TRAPPC3L: variants seen among roughly 807,000 people sequenced by gnomAD.
The protein encoded by TRAPPC3L is trafficking protein particle complex subunit 3-like protein.
In TRAPPC3L, 23 loss-of-function variants were observed where a neutral mutation model predicts 23.7. That is an observed-to-expected ratio of 0.97 (90% CI 0.70 to 1.37). The LOEUF (loss-of-function observed/expected upper bound fraction) is 1.37, where lower values mean the gene tolerates loss of function less well. TRAPPC3L is among the 40% of genes most tolerant of loss of function. The pLI is 0.00. For synonymous variants in TRAPPC3L, 81 were observed against 77.9 expected, an observed-to-expected ratio of 1.04 and a Z score of -0.21; for missense variants, 212 against 216.8, an observed-to-expected ratio of 0.98 and a Z score of 0.14.
At chr6:116,541,613 T>A (rs1773468230) in intron 2 of TRAPPC3L, among the ~76,000 whole-genome samples, 1 of 152,210 alleles carries the variant, frequency 6.6e-6, no homozygotes, top group South Asian at 2.1e-4. Context: ...CAGTTTAGCT[T>A]CCTTGACTTT....
intron 3 of TRAPPC3L, among the ~76,000 whole-genome samples, chr6:116,500,945 GC>G (rs1168056576): frequency 6.6e-6 from 1 of 152,204 alleles, no homozygotes; most frequent in Non-Finnish European, 1.5e-5. Flanking sequence ...GGTAATTTCT[GC>G]ATTTCCAACT....
chr6:116,543,625 T>C, intron 1 of TRAPPC3L: 2 of 648,538 alleles, frequency 3.1e-6, no homozygotes, highest in African/African-American at 3.7e-5. Context: ...AAAATGAATT[T>C]CGTAACATGA....
intron 3 of TRAPPC3L, among the ~76,000 whole-genome samples, chr6:116,510,087 A>G (rs1366875528): frequency 3.9e-5 from 6 of 152,192 alleles, no homozygotes. Context: ...TGCTCAACAT[A>G]CTAATCATTA....
intron 3 of TRAPPC3L, chr6:116,511,809 C>T: frequency 1.2e-6 from 2 of 1,614,066 alleles, no homozygotes; most frequent in Non-Finnish European, 1.7e-6. Context: ...TCTGTTGTGG[C>T]TTTTAAGTGC....
intron 3 of TRAPPC3L, among the ~76,000 whole-genome samples, chr6:116,525,295 C>A (rs1309192504): frequency 2.0e-5 from 3 of 152,164 alleles, no homozygotes; most frequent in African/African-American, 4.8e-5. Flanking sequence ...AGTTTCCTGG[C>A]CTCTGTCTGG....
chr6:116,496,384 C>T lies in TRAPPC3L; in HGVS notation c.*570G>A, dbSNP rs1367991606. ...TTATTTATAAATGTTTCAAAATTAT[C>T]ATTGAATAAATAGCTTGACTTGGTG... is the stretch of plus-strand genomic sequence containing the variant. On this transcript the variant is annotated 3_prime_UTR_variant, in exon 5 of 5. Coordinates refer to ENST00000368602, the MANE Select transcript of TRAPPC3L (RefSeq NM_001139444.3). The T allele has an allele frequency of 6.6e-6, 1 of 152,072 alleles. No individual in the cohort carries two copies. The highest frequency in any genetic ancestry group is 2.4e-5 in the African/African-American group (1 of 41,412). 9.4% of individuals were successfully genotyped at this position (152,072 alleles called of 1,614,324 possible).
At chr6:116,539,224 A>G (rs745981226) in intron 3 of TRAPPC3L, among the ~76,000 whole-genome samples, 18 of 152,240 alleles carry the variant, frequency 1.2e-4, no homozygotes, top group Non-Finnish European at 2.2e-4. Context: ...AAAATGTTTT[A>G]TTTTATTTTT....
Position 116,496,927 on chromosome 6 carries a change from G to A in TRAPPC3L, c.*27C>T, listed in dbSNP as rs186105406. On this transcript the variant is annotated 3_prime_UTR_variant, in exon 5 of 5. Transcript: ENST00000368602. ...TTAGCTAACATTAACTCAGCTAGCC[G>A]CCCCGTGGCATTTTCCGTGCTAGTC... 232 of 1,531,940 alleles carry A rather than the reference G, an allele frequency of 1.5e-4. No homozygotes were observed. The African/African-American group carries it at 2.3e-3, about 15-fold the overall frequency. The allele number at this position is 1,531,940 out of a possible 1,614,324, so 94.9% of individuals were successfully genotyped here. A position where few individuals can be genotyped will look rare whatever the true frequency, so the allele number is the denominator to read the frequency against.
intron 3 of TRAPPC3L, among the ~76,000 whole-genome samples, chr6:116,537,969 G>A (rs991593404): frequency 6.6e-6 from 1 of 152,144 alleles, no homozygotes; most frequent in Admixed American, 6.6e-5. Flanking sequence ...TATCCTGGTC[G>A]AGGACCACAG....
At chr6:116,500,776 G>A (rs1771899426) in intron 3 of TRAPPC3L, 110 bp from the exon 4 acceptor site, 2 of 923,540 alleles carry the variant, frequency 2.2e-6, no homozygotes, top group South Asian at 3.1e-5. Context: ...TAAGCACATG[G>A]AGTCTATAGT....
chr6:116,543,294 T>C lies in TRAPPC3L; in HGVS notation c.140+9A>G. The C allele has an allele frequency of 6.5e-7, 1 of 1,541,440 alleles. No individual in the cohort carries two copies. Among genetic ancestry groups the C allele is most frequent in the Non-Finnish European group, 8.8e-7 (1 of 1,140,444 alleles). The stretch of plus-strand genomic sequence containing the variant: ...AGCCATTCAATAAGAATGAAGGACT[T>C]CCACTTACATTTTATCTAAATATTG... On this transcript the variant is annotated intron_variant, in intron 2 of 4. Transcript: ENST00000368602.
At chr6:116,506,294 C>A (rs578247961) in intron 3 of TRAPPC3L, among the ~76,000 whole-genome samples, 36 of 152,300 alleles carry the variant, frequency 2.4e-4, no homozygotes, top group African/African-American at 8.2e-4. Flanking sequence ...CAGAGAAATG[C>A]AAATCAAAAC....
intron 3 of TRAPPC3L, among the ~76,000 whole-genome samples, chr6:116,537,068 G>A (rs540158659): frequency 2.6e-5 from 4 of 152,302 alleles, no homozygotes; most frequent in Middle Eastern, 3.4e-3. Flanking sequence ...CATTTTGTTG[G>A]AGAAGTAAAA....
Position 116,497,063 on chromosome 6 carries a change from G to T in TRAPPC3L, c.437C>A (p.Ala146Glu). ...GTCTTGCAAGAATGTAACATCAGCC[G>T]CCAAATGAACCTAGGAAAGAAGAAA... Reference protein sequence around the residue: ...IRGALEMVHLAADVTFLQDRL... With the variant: ...IRGALEMVHLEADVTFLQDRL... The change falls in exon 5 of 5, where the codon GCG becomes GAG. Residue 146 changes from alanine to glutamate, a missense_variant. By Grantham distance (107) the Ala-to-Glu change is moderately radical. Transcript: ENST00000368602. The T allele has an allele frequency of 6.5e-7, 1 of 1,537,334 alleles. No homozygotes were observed. Among genetic ancestry groups the T allele is most frequent in the Middle Eastern group, 1.7e-4 (1 of 5,974 alleles).
chr6:116,518,820 A>G (rs1772279227), intron 3 of TRAPPC3L: 1 of 152,224 alleles, frequency 6.6e-6, no homozygotes, highest in Admixed American at 6.5e-5. Flanking sequence ...CTCATTCAAG[A>G]AAACCCAAGC....
chr6:116,527,624 TA>T (rs1175514866), intron 3 of TRAPPC3L, among the ~76,000 whole-genome samples: 3 of 151,864 alleles, frequency 2.0e-5, no homozygotes, highest in Admixed American at 6.6e-5. Context: ...AGGACAACTT[TA>T]AAAAAAAATC....
At chr6:116,520,119 A>G (rs1184967339) in intron 3 of TRAPPC3L, 2 of 152,202 alleles carry the variant, frequency 1.3e-5, no homozygotes, top group Non-Finnish European at 2.9e-5. Flanking sequence ...CTAAAAATGT[A>G]TACATTTAAT....
chr6:116,496,749 T>A lies in TRAPPC3L; in HGVS notation c.*205A>T. 1.7e-6 allele frequency: 1 copy of A among 594,422 alleles called. No individual in the cohort carries two copies. 36.8% of individuals were successfully genotyped at this position (594,422 alleles called of 1,614,324 possible). On this transcript the variant is annotated 3_prime_UTR_variant, in exon 5 of 5. Coordinates refer to ENST00000368602, the MANE Select transcript of TRAPPC3L (RefSeq NM_001139444.3). ...AAGGAGCTATTTGCATATGAAATTTTGTGGACATGAGATTGAAAATGCGTG... is the reference window on the plus strand; with the variant it reads ...AAGGAGCTATTTGCATATGAAATTTAGTGGACATGAGATTGAAAATGCGTG...
intron 3 of TRAPPC3L, chr6:116,516,175 C>A: frequency 2.9e-6 from 2 of 696,040 alleles, no homozygotes; most frequent in Non-Finnish European, 4.2e-6. Context: ...CAAATTGATG[C>A]TGAGGGGTGA....
Sources: allele counts gnomAD v4.1 joint callset (sites outside exome capture counted in the v4.1 genomes callset), GRCh38; gene constraint gnomAD v4.1.1; transcripts MANE v1.5; gene names NCBI Gene and HGNC (gene_info 2026-07-23, HGNC 2026-07-21).